The following PCDHA1 variants were observed in gnomAD, a reference collection of about 807,000 sequenced individuals.
PCDHA1 encodes the protein protocadherin alpha 1, also known as protocadherin alpha-1.
Under a neutral mutation model 61.3 loss-of-function variants are expected in PCDHA1, and 42 were observed. The observed-to-expected ratio is 0.69, with a 90% CI of 0.54 to 0.89. The LOEUF is 0.89. Ranked by LOEUF, PCDHA1 falls within the 40% of genes least tolerant of loss-of-function variation. The probability of loss-of-function intolerance (pLI) is 0.00; values close to 1 mark genes in which losing one functional copy is unlikely to be tolerated. For synonymous variants in PCDHA1, 610 were observed against 553.8 expected (o/e 1.10, Z -1.43); for missense variants, 1,256 against 1,235.3 (o/e 1.02, Z -0.25).
intron 1 of PCDHA1, chr5:140,805,335 G>C: frequency 1.2e-5 from 15 of 1,231,160 alleles, no homozygotes; most frequent in Non-Finnish European, 1.5e-5. Context: ...TGATGTCAAT[G>C]ATCATTTTGT....
intron 1 of PCDHA1, chr5:140,806,995 C>T (rs1049333207): frequency 1.5e-6 from 1 of 684,994 alleles, no homozygotes; most frequent in Non-Finnish European, 2.4e-6. Context: ...CACATGATGT[C>T]GCTCTTTACC....
intron 1 of PCDHA1, chr5:140,875,198 G>A: frequency 7.2e-6 from 4 of 552,228 alleles, no homozygotes; most frequent in Non-Finnish European, 1.1e-5. Flanking sequence ...GACCCAGGAA[G>A]TGGCTAAACC....
chr5:140,902,225 A>G (rs1454445915), intron 1 of PCDHA1, among the ~76,000 whole-genome samples: 1 of 114,610 alleles, frequency 8.7e-6, no homozygotes, highest in African/African-American at 3.5e-5. Context: ...TTTTTTTGAG[A>G]TGAGGACTTG....
intron 1 of PCDHA1, among the ~76,000 whole-genome samples, chr5:140,840,813 G>A (rs1465831729): frequency 6.6e-6 from 1 of 152,040 alleles, no homozygotes; most frequent in South Asian, 2.1e-4. Context: ...ATATACCAGT[G>A]TTTCTGGTGA....
rs2150371932 is a variant in PCDHA1 at position 140,844,548 on chromosome 5, G to A, written c.2394+55864G>A. Among the ~76,000 whole-genome samples, 6 of 149,134 alleles carry A rather than the reference G, an allele frequency of 4.0e-5. 1 individual carries two copies. Among genetic ancestry groups the A allele is most frequent in the Non-Finnish European group, 7.5e-5 (5 of 66,700 alleles). ...TCTAATCATTCAACCCTTTGTTCAT[G>A]AGTTGGAATATTTTCAATAATATTC... On this transcript the variant is annotated intron_variant, in intron 1 of 3. Transcript: ENST00000504120.
At chr5:140,891,681 C>T (rs1021117286) in intron 1 of PCDHA1, among the ~76,000 whole-genome samples, 1 of 152,150 alleles carries the variant, frequency 6.6e-6, no homozygotes, top group African/African-American at 2.4e-5. Flanking sequence ...TAATAATTCT[C>T]TCTTCTTGCT....
At chr5:140,814,714 T>C (rs1554126579) in intron 1 of PCDHA1, 2 of 152,190 alleles carry the variant, frequency 1.3e-5, no homozygotes. Flanking sequence ...CACTAGGTGA[T>C]AGGAATTTTT....
chr5:140,812,845 A>G (rs1382314679), intron 1 of PCDHA1: 2 of 152,134 alleles, frequency 1.3e-5, no homozygotes, highest in South Asian at 2.1e-4. Flanking sequence ...ATCTTAACAT[A>G]TTTTCTAATT....
chr5:140,941,527 G>A (rs1324655767), intron 1 of PCDHA1, among the ~76,000 whole-genome samples: 1 of 151,580 alleles, frequency 6.6e-6, no homozygotes, highest in African/African-American at 2.4e-5. Flanking sequence ...ATCTTGACCA[G>A]GCTGGTCTTG....
At chr5:140,937,927 A>AT (rs201742095) in intron 1 of PCDHA1, among the ~76,000 whole-genome samples, 1 of 149,222 alleles carries the variant, frequency 6.7e-6, no homozygotes, top group Non-Finnish European at 1.5e-5. Flanking sequence ...AAAAAAAAAA[A>AT]GTTTAATTTG....
chr5:140,943,571 G>A (rs1164273913), intron 1 of PCDHA1, among the ~76,000 whole-genome samples: 4 of 152,152 alleles, frequency 2.6e-5, no homozygotes, highest in Admixed American at 2.6e-4. Context: ...ATTTTAATTT[G>A]TTGATCTGAG....
At chr5:140,928,555 A>T in intron 1 of PCDHA1, 1 of 1,614,240 alleles carries the variant, frequency 6.2e-7, no homozygotes, top group South Asian at 1.1e-5. Flanking sequence ...TTATCCGGTT[A>T]TCTTGTTTCC....
chr5:140,802,755 CT>C, intron 1 of PCDHA1: 1 of 1,612,592 alleles, frequency 6.2e-7, no homozygotes, highest in Non-Finnish European at 8.5e-7. Flanking sequence ...GGTGTACGCG[CT>C]GCAGCCGCTG....
At chr5:140,830,353 G>A in intron 1 of PCDHA1, 1 of 1,614,150 alleles carries the variant, frequency 6.2e-7, no homozygotes, top group Non-Finnish European at 8.5e-7. Context: ...CGCAGCAGAG[G>A]CGGCAGAGGG....
At position 140,842,920 on chromosome 5, in the gene PCDHA1, C is replaced by T. The variant is rs147542523; in HGVS notation, c.2394+54236C>T. 687 of 1,594,406 alleles carry T rather than the reference C, an allele frequency of 4.3e-4. 58 individuals are homozygous for T. Among genetic ancestry groups the T allele is most frequent in the South Asian group, 7.6e-4 (69 of 90,466 alleles). On this transcript the variant is annotated intron_variant, in intron 1 of 3. Transcript: ENST00000504120. ...ACGAGGAGCTAGAGCTGCTGCAGTT[C>T]CAGGTGAGCGCGCGCGACGCGGGCG...
At chr5:140,796,788 G>T in intron 1 of PCDHA1, 3 of 1,614,118 alleles carry the variant, frequency 1.9e-6, no homozygotes, top group Non-Finnish European at 2.5e-6. Flanking sequence ...CGTGGCTTTC[G>T]TACGAGCTTC....
intron 1 of PCDHA1, chr5:140,805,495 T>G: frequency 1.0e-6 from 1 of 990,528 alleles, no homozygotes; most frequent in South Asian, 4.7e-5. Flanking sequence ...GTAAAGCTAT[T>G]TTCACTAGAT....
At chr5:140,937,378 G>A (rs1248709474) in intron 1 of PCDHA1, among the ~76,000 whole-genome samples, 2 of 152,248 alleles carry the variant, frequency 1.3e-5, no homozygotes, top group East Asian at 1.9e-4. Context: ...GTTTATGTGT[G>A]TGTATGTGTA....
At chr5:140,970,243 T>C (rs1554232347) in intron 1 of PCDHA1, among the ~76,000 whole-genome samples, 1 of 152,252 alleles carries the variant, frequency 6.6e-6, no homozygotes, top group Non-Finnish European at 1.5e-5. Flanking sequence ...TGATTTTCTG[T>C]TGACAGTTTC....
Sources: gnomAD v4.1 joint callset for allele counts (sites outside exome capture counted in the v4.1 genomes callset) on GRCh38, gnomAD v4.1.1 for gene constraint, MANE v1.5 for transcripts, NCBI Gene and HGNC (gene_info 2026-07-23, HGNC 2026-07-21) for gene names.